WDFY2: variants seen among roughly 807,000 people sequenced by gnomAD.
WDFY2 encodes WD repeat and FYVE domain-containing protein 2.
In WDFY2, 36 loss-of-function variants were observed where a neutral mutation model predicts 56.4. The ratio of observed to expected loss-of-function variants is 0.64; its 90% confidence interval spans 0.49 to 0.84. The LOEUF is 0.84. Among genes scored for constraint, WDFY2 ranks in the 40% least tolerant of loss-of-function variants. The pLI, the probability that WDFY2 is intolerant of heterozygous loss-of-function variation, is 0.00. For missense variants in WDFY2, 444 were observed against 512.2 expected (o/e 0.87, Z 1.29); for synonymous variants, 176 against 183.7 (o/e 0.96, Z 0.34).
intron 1 of WDFY2, among the ~76,000 whole-genome samples, chr13:51,595,377 T>C (rs1954125616): frequency 6.6e-6 from 1 of 152,174 alleles, no homozygotes. Context: ...ACACACAGTG[T>C]TTTTAGAAGT....
At chr13:51,743,337 T>C (rs1329757907) in intron 7 of WDFY2, among the ~76,000 whole-genome samples, 3 of 152,204 alleles carry the variant, frequency 2.0e-5, no homozygotes, top group African/African-American at 7.2e-5. Flanking sequence ...CTTCTGCCAA[T>C]GGCCTGCAGC....
intron 1 of WDFY2, among the ~76,000 whole-genome samples, chr13:51,621,895 G>A (rs1013130948): frequency 1.3e-5 from 2 of 152,170 alleles, no homozygotes; most frequent in African/African-American, 4.8e-5. Context: ...CATTATTGCA[G>A]TGGGACTTTC....
intron 4 of WDFY2, among the ~76,000 whole-genome samples, chr13:51,704,606 A>G (rs899006975): frequency 6.6e-6 from 1 of 152,148 alleles, no homozygotes; most frequent in African/African-American, 2.4e-5. Flanking sequence ...ACAGCAGTGA[A>G]AGTTTCTGCC....
At chr13:51,749,323 C>A (rs1335656697) in intron 7 of WDFY2, among the ~76,000 whole-genome samples, 1 of 152,046 alleles carries the variant, frequency 6.6e-6, no homozygotes, top group Non-Finnish European at 1.5e-5. Context: ...GATTGTGAGA[C>A]CAAAAAGTTC....
chr13:51,708,454 G>A (rs1393629626), intron 4 of WDFY2, among the ~76,000 whole-genome samples: 1 of 151,982 alleles, frequency 6.6e-6, no homozygotes, highest in Non-Finnish European at 1.5e-5. Context: ...ACTCTACCCT[G>A]GGTAACAGAG....
At chr13:51,654,281 G>A (rs146076974) in intron 1 of WDFY2, among the ~76,000 whole-genome samples, 14 of 152,302 alleles carry the variant, frequency 9.2e-5, no homozygotes, top group Non-Finnish European at 1.6e-4. Flanking sequence ...GGAGTGACCT[G>A]ATTTTCCATG....
intron 4 of WDFY2, among the ~76,000 whole-genome samples, chr13:51,707,881 T>C (rs915500752): frequency 2.1e-5 from 3 of 146,004 alleles, no homozygotes; most frequent in African/African-American, 5.1e-5. Flanking sequence ...AGAGGTATAA[T>C]AGCACTTGGG....
intron 1 of WDFY2, 141 bp from the exon 2 acceptor site, chr13:51,660,455 C>T: frequency 1.7e-6 from 1 of 585,742 alleles, no homozygotes; most frequent in Non-Finnish European, 2.9e-6. Flanking sequence ...CTACCTCGGC[C>T]TCTCAAAGTG....
intron 11 of WDFY2, among the ~76,000 whole-genome samples, chr13:51,758,879 A>G (rs1953486508): frequency 6.6e-6 from 1 of 152,168 alleles, no homozygotes; most frequent in Non-Finnish European, 1.5e-5. Context: ...TGACTTTGAG[A>G]GGAAGTTTAA....
In WDFY2 at chr13:51,584,611, T is replaced by C; in HGVS notation, c.-77T>C. The C allele has an allele frequency of 6.6e-6, 10 of 1,517,892 alleles. No individual in the cohort carries two copies. Among genetic ancestry groups the C allele is most frequent in the Non-Finnish European group, 7.9e-6 (9 of 1,138,138 alleles). 94.0% of individuals were successfully genotyped at this position (1,517,892 alleles called of 1,614,324 possible). On this transcript the variant is annotated 5_prime_UTR_variant, in exon 1 of 12. Transcript: ENST00000298125. ...GCCAGAGTCTCTGTCTCAACCTGTG[T>C]CCGTGCTCCAGCAGTCTCCTCAGCC...
At chr13:51,691,359 G>C (rs966965011) in intron 3 of WDFY2, among the ~76,000 whole-genome samples, 57 of 151,050 alleles carry the variant, frequency 3.8e-4, no homozygotes, top group Admixed American at 2.4e-3. Flanking sequence ...AATCCATCTT[G>C]AATTAATTTT....
intron 1 of WDFY2, among the ~76,000 whole-genome samples, chr13:51,642,718 G>A (rs1032371952): frequency 4.5e-5 from 5 of 112,204 alleles, no homozygotes; most frequent in African/African-American, 1.8e-4. Context: ...GTCTCACTCT[G>A]TCGCCAGGCT....
intron 1 of WDFY2, among the ~76,000 whole-genome samples, chr13:51,633,118 T>A (rs1295546007): frequency 6.6e-6 from 1 of 152,212 alleles, no homozygotes. Flanking sequence ...TGGCAGCTTC[T>A]GGCCCGCTGG....
At chr13:51,616,936 T>C (rs1437501769) in intron 1 of WDFY2, among the ~76,000 whole-genome samples, 2 of 152,222 alleles carry the variant, frequency 1.3e-5, no homozygotes, top group African/African-American at 2.4e-5. Context: ...ACGTAAGAAA[T>C]GGTTTTCTAT....
chr13:51,739,181 G>A lies in WDFY2; in HGVS notation c.725+6G>A. On this transcript the variant is annotated splice_donor_region_variant and intron_variant, in intron 7 of 11. Transcript: ENST00000298125. ...ATCGAGCTCCAAGGACACAAGTAAG[G>A]TTGCTGGTGCTTTCATAAAGACTCT... 2 of 1,580,240 alleles carry A rather than the reference G, an allele frequency of 1.3e-6. No homozygotes were observed. The highest frequency in any genetic ancestry group is 1.4e-5 in the African/African-American group (1 of 73,740).
In WDFY2 at chr13:51,718,399, C is replaced by G. The variant is rs1390730544; in HGVS notation, c.335-799C>G. 2.0e-5 allele frequency among the ~76,000 whole-genome samples: 3 copies of G among 152,300 alleles called. 1 individual carries two copies. In the South Asian group the frequency reaches 6.2e-4, roughly 32 times the overall value. ...GCTGTAAGACCTCAGCCAAACTACTCCACCTCATTGTGCCTCACTTTGTCC... is the reference window on the plus strand; with the variant it reads ...GCTGTAAGACCTCAGCCAAACTACTGCACCTCATTGTGCCTCACTTTGTCC... On this transcript the variant is annotated intron_variant, in intron 4 of 11. Transcript: ENST00000298125.
rs369247394 is a variant in WDFY2, at chr13:51,739,026, T to A, written c.599-23T>A. On this transcript the variant is annotated intron_variant, in intron 6 of 11. Transcript: ENST00000298125. ...TAAGAGTCTTACCTTGTGACTGATG[T>A]CTGGTTGTGTCTGTCCTCTCAGGTG... The A allele has an allele frequency of 5.2e-6, 8 of 1,543,312 alleles. No homozygotes were observed. The African/African-American group carries it at 9.7e-5, about 19-fold the overall frequency.
At chr13:51,604,566 G>A (rs1327260773) in intron 1 of WDFY2, among the ~76,000 whole-genome samples, 4 of 152,182 alleles carry the variant, frequency 2.6e-5, no homozygotes, top group Admixed American at 6.5e-5. Flanking sequence ...GACTATGTAG[G>A]ACAATGCTGT....
At chr13:51,654,333 C>T (rs1033621682) in intron 1 of WDFY2, among the ~76,000 whole-genome samples, 3 of 152,146 alleles carry the variant, frequency 2.0e-5, no homozygotes, top group Non-Finnish European at 4.4e-5. Context: ...AAGGGATTCC[C>T]TGACCCCTTG....
Sources: gnomAD v4.1 joint callset for allele counts (sites outside exome capture counted in the v4.1 genomes callset) on GRCh38, gnomAD v4.1.1 for gene constraint, MANE v1.5 for transcripts, NCBI Gene and HGNC (gene_info 2026-07-23, HGNC 2026-07-21) for gene names.